The following PPP2R5E variants were observed in gnomAD, a reference collection of about 807,000 sequenced individuals.
PPP2R5E encodes serine/threonine-protein phosphatase 2A 56 kDa regulatory subunit epsilon isoform.
In PPP2R5E, 4 loss-of-function variants were observed where a neutral mutation model predicts 65.3. The ratio of observed to expected loss-of-function variants is 0.06; its 90% CI spans 0.03 to 0.14. The LOEUF (loss-of-function observed/expected upper bound fraction) is 0.14, where lower values mean the gene tolerates loss of function less well. PPP2R5E is among the 10% of genes least tolerant of loss of function. The probability of loss-of-function intolerance (pLI) is 1.00; values close to 1 mark genes in which losing one functional copy is unlikely to be tolerated. For synonymous variants in PPP2R5E, 183 were observed against 187.4 expected (o/e 0.98, Z 0.19); for missense variants, 274 against 556.1 (o/e 0.49, Z 5.10).
At chr14:63,420,613 C>A (rs74592988) in intron 4 of PPP2R5E, among the ~76,000 whole-genome samples, 3,487 of 152,234 alleles carry the variant, frequency 0.023, 122 homozygotes, top group African/African-American at 0.079. Flanking sequence ...AAATAGCACA[C>A]GTGTGTACTT....
At chr14:63,488,429 C>G (rs2064955) in intron 2 of PPP2R5E, among the ~76,000 whole-genome samples, 22,158 of 152,122 alleles carry the variant, frequency 0.15, 1,672 homozygotes, top group East Asian at 0.21. Flanking sequence ...TCTCAAACTC[C>G]TGAGATCAAG....
chr14:63,377,910 A>T (rs1002179337), intron 13 of PPP2R5E, among the ~76,000 whole-genome samples: 2 of 152,166 alleles, frequency 1.3e-5, no homozygotes, highest in Non-Finnish European at 2.9e-5. Flanking sequence ...TCTGTTGCTC[A>T]GGCTAAAGTG....
intron 2 of PPP2R5E, among the ~76,000 whole-genome samples, chr14:63,518,987 G>A (rs1892773668): frequency 6.6e-6 from 1 of 152,236 alleles, no homozygotes. Context: ...GGGAGGCCAA[G>A]ACAGGCAGAT....
intron 3 of PPP2R5E, chr14:63,452,787 C>T (rs866455007): frequency 1.8e-4 from 28 of 152,172 alleles, no homozygotes; most frequent in African/African-American, 6.5e-4. Context: ...CTCTTTTCTG[C>T]ATTGGTTGAA....
intron 11 of PPP2R5E, among the ~76,000 whole-genome samples, chr14:63,387,331 C>G (rs1240578666): frequency 6.6e-6 from 1 of 152,122 alleles, no homozygotes; most frequent in Non-Finnish European, 1.5e-5. Flanking sequence ...AAGTATGTAT[C>G]CAGCCCCTTA....
chr14:63,450,582 T>C (rs1888767487), intron 3 of PPP2R5E, among the ~76,000 whole-genome samples: 1 of 152,170 alleles, frequency 6.6e-6, no homozygotes, highest in African/African-American at 2.4e-5. Context: ...TCCAATGACA[T>C]CCAATATCTT....
At chr14:63,467,518 A>T (rs1274938841) in intron 2 of PPP2R5E, among the ~76,000 whole-genome samples, 1 of 152,216 alleles carries the variant, frequency 6.6e-6, no homozygotes, top group Non-Finnish European at 1.5e-5. Context: ...AACATATTAT[A>T]TAACTCTATC....
At chr14:63,412,267 T>C (rs1454285405) in intron 5 of PPP2R5E, among the ~76,000 whole-genome samples, 2 of 152,174 alleles carry the variant, frequency 1.3e-5, no homozygotes, top group African/African-American at 4.8e-5. Context: ...AGCAAGACCC[T>C]GTTTGTTTAA....
At chr14:63,409,479 A>G (rs1886276878) in intron 5 of PPP2R5E, among the ~76,000 whole-genome samples, 2 of 152,206 alleles carry the variant, frequency 1.3e-5, no homozygotes, top group Non-Finnish European at 2.9e-5. Context: ...GGCAGATAAC[A>G]TATGAGGGGG....
In PPP2R5E at chr14:63,382,157, C is replaced by A. The variant is rs767045667; in HGVS notation, c.1203G>T (p.Pro401=). Residue 401 remains proline, a splice_region_variant and synonymous_variant, in exon 13 of 14, where the codon CCG becomes CCT. Transcript: ENST00000337537. ...LYRISKEHWN[P]AIVALVYNVL... Reference sequence around the variant, plus strand: ...CATTGTACACCAACGCCACAATAGCCCTGGAAAGCACAGAAAAAAAGGAGT... The same window carrying A: ...CATTGTACACCAACGCCACAATAGCACTGGAAAGCACAGAAAAAAAGGAGT... 6 of 1,611,702 alleles carry A rather than the reference C, an allele frequency of 3.7e-6. No individual in the cohort carries two copies. The Admixed American group carries it at 1.0e-4, about 27-fold the overall frequency.
intron 2 of PPP2R5E, among the ~76,000 whole-genome samples, chr14:63,462,573 G>C (rs1057225861): frequency 1.3e-5 from 2 of 152,034 alleles, no homozygotes; most frequent in African/African-American, 4.8e-5. Flanking sequence ...TTAATAAACT[G>C]TTCGTATCAG....
At chr14:63,462,054 C>A (rs1484653838) in intron 2 of PPP2R5E, among the ~76,000 whole-genome samples, 2 of 150,300 alleles carry the variant, frequency 1.3e-5, no homozygotes, top group Non-Finnish European at 2.9e-5. Flanking sequence ...GCTGTAATGA[C>A]AGTACCGATT....
intron 5 of PPP2R5E, among the ~76,000 whole-genome samples, chr14:63,406,764 T>C (rs1886115767): frequency 6.6e-6 from 1 of 152,166 alleles, no homozygotes; most frequent in African/African-American, 2.4e-5. Context: ...GTTGGCAAAG[T>C]GGAACTGAAG....
chr14:63,455,990 C>G (rs1166756057), intron 2 of PPP2R5E, among the ~76,000 whole-genome samples: 1 of 152,206 alleles, frequency 6.6e-6, no homozygotes, highest in Admixed American at 6.5e-5. Context: ...TGGTCTCAAA[C>G]TCCTGACCTC....
chr14:63,504,443 G>A (rs1229735664), intron 2 of PPP2R5E, among the ~76,000 whole-genome samples: 2 of 152,018 alleles, frequency 1.3e-5, no homozygotes, highest in Non-Finnish European at 2.9e-5. Context: ...TTAGCCAGGC[G>A]TGGTGGCTCA....
intron 8 of PPP2R5E, 99 bp from the exon 9 acceptor site, chr14:63,392,124 T>C (rs555872853): frequency 1.3e-6 from 1 of 760,094 alleles, no homozygotes; most frequent in East Asian, 2.8e-5. Flanking sequence ...TCCAGACTGC[T>C]TTTAATAACT....
At chr14:63,465,350 A>C (rs1306145366) in intron 2 of PPP2R5E, among the ~76,000 whole-genome samples, 2 of 150,310 alleles carry the variant, frequency 1.3e-5, no homozygotes, top group Non-Finnish European at 3.0e-5. Flanking sequence ...ATGGTGGCTC[A>C]CGCCCGTAAT....
intron 2 of PPP2R5E, among the ~76,000 whole-genome samples, chr14:63,516,631 A>T (rs1566756724): frequency 6.6e-6 from 1 of 152,184 alleles, no homozygotes; most frequent in Non-Finnish European, 1.5e-5. Context: ...CGTATTTCCT[A>T]CATTTGGCAA....
chr14:63,481,992 C>T (rs1411460173), intron 2 of PPP2R5E, among the ~76,000 whole-genome samples: 1 of 152,090 alleles, frequency 6.6e-6, no homozygotes, highest in Non-Finnish European at 1.5e-5. Flanking sequence ...CCTTTAAATA[C>T]ATATATAAAA....
Sources: gnomAD v4.1 joint callset for allele counts (sites outside exome capture counted in the v4.1 genomes callset) on GRCh38, gnomAD v4.1.1 for gene constraint, MANE v1.5 for transcripts, NCBI Gene and HGNC (gene_info 2026-07-23, HGNC 2026-07-21) for gene names.